The following ATRNL1 variants were observed in gnomAD, a reference collection of about 807,000 sequenced individuals.
ATRNL1 encodes attractin-like protein 1.
Under a neutral mutation model 182.7 loss-of-function variants are expected in ATRNL1, and 95 were observed. The observed-to-expected ratio is 0.52, with a 90% CI of 0.44 to 0.62. ATRNL1 has a LOEUF of 0.62. Among genes scored for constraint, ATRNL1 ranks in the 20% least tolerant of loss-of-function variants. The probability of loss-of-function intolerance (pLI) is 0.00; values close to 1 mark genes in which losing one functional copy is unlikely to be tolerated. For synonymous variants in ATRNL1, 576 were observed against 568.3 expected, an observed-to-expected ratio of 1.01 and a Z score of -0.19; for missense variants, 1,471 against 1,679.5, an observed-to-expected ratio of 0.88 and a Z score of 2.17.
intron 28 of ATRNL1, among the ~76,000 whole-genome samples, chr10:115,880,139 C>CT (rs1352414284): frequency 1.3e-5 from 2 of 152,178 alleles, no homozygotes; most frequent in African/African-American, 4.8e-5. Context: ...CAGTAGAGTG[C>CT]TTCACCTCAA....
chr10:115,095,507 G>T (rs1169036173), intron 1 of ATRNL1, among the ~76,000 whole-genome samples: 4 of 151,992 alleles, frequency 2.6e-5, no homozygotes, highest in African/African-American at 9.7e-5. Flanking sequence ...GGTTTTGGAA[G>T]TGAAATCTTA....
chr10:115,158,015 A>G (rs1846603167), intron 5 of ATRNL1, among the ~76,000 whole-genome samples: 1 of 151,924 alleles, frequency 6.6e-6, no homozygotes, highest in African/African-American at 2.4e-5. Context: ...CCTGTTTTTA[A>G]TGTTTTATTT....
At chr10:115,588,082 CT>C (rs1855676049) in intron 26 of ATRNL1, among the ~76,000 whole-genome samples, 1 of 152,066 alleles carries the variant, frequency 6.6e-6, no homozygotes, top group Admixed American at 6.6e-5. Context: ...GTTTTCCTTT[CT>C]TTTTTACTAA....
intron 24 of ATRNL1, among the ~76,000 whole-genome samples, chr10:115,489,694 T>A (rs1389632632): frequency 6.6e-6 from 1 of 152,236 alleles, no homozygotes; most frequent in Non-Finnish European, 1.5e-5. Context: ...CCAGTCTGTG[T>A]CTTTTAATTG....
chr10:115,798,869 C>A (rs1218028212), intron 27 of ATRNL1, among the ~76,000 whole-genome samples: 1 of 144,186 alleles, frequency 6.9e-6, no homozygotes, highest in Non-Finnish European at 1.5e-5. Flanking sequence ...CTCTGTTGAC[C>A]AAGCTGGAGT....
chr10:115,101,732 C>T (rs1843776597), intron 1 of ATRNL1, among the ~76,000 whole-genome samples: 1 of 152,078 alleles, frequency 6.6e-6, no homozygotes, highest in African/African-American at 2.4e-5. Context: ...TGGGACTCTC[C>T]TGATCATTTG....
At chr10:115,123,593 A>C (rs782598472) in intron 3 of ATRNL1, among the ~76,000 whole-genome samples, 1 of 152,168 alleles carries the variant, frequency 6.6e-6, no homozygotes, top group South Asian at 2.1e-4. Flanking sequence ...TTAGACACCA[A>C]CTACCTGCAG....
intron 8 of ATRNL1, among the ~76,000 whole-genome samples, chr10:115,201,635 C>T (rs1320180993): frequency 2.6e-5 from 4 of 152,018 alleles, no homozygotes; most frequent in Admixed American, 6.6e-5. Context: ...TTACTGTAGC[C>T]TTGTAGTATA....
At chr10:115,258,010 A>G (rs551383382) in intron 10 of ATRNL1, among the ~76,000 whole-genome samples, 2 of 152,256 alleles carry the variant, frequency 1.3e-5, no homozygotes, top group South Asian at 4.2e-4. Context: ...TTTGTGGGTA[A>G]CTTGACCTTT....
At chr10:115,097,538 A>G (rs1297930425) in intron 1 of ATRNL1, among the ~76,000 whole-genome samples, 2 of 152,162 alleles carry the variant, frequency 1.3e-5, no homozygotes, top group African/African-American at 2.4e-5. Context: ...CAGCAAAATG[A>G]AGATGTAATG....
chr10:115,364,818 A>C (rs1160004727), intron 19 of ATRNL1, among the ~76,000 whole-genome samples: 5 of 151,152 alleles, frequency 3.3e-5, no homozygotes, highest in Non-Finnish European at 7.4e-5. Context: ...ATGCTGGATT[A>C]CATTTATTGA....
intron 28 of ATRNL1, among the ~76,000 whole-genome samples, chr10:115,918,879 C>T (rs1555118016): frequency 6.6e-6 from 1 of 152,088 alleles, no homozygotes; most frequent in Non-Finnish European, 1.5e-5. Context: ...TGTTTAATAC[C>T]GCTGATCTGC....
At chr10:115,194,136 G>A (rs1327156243) in intron 8 of ATRNL1, among the ~76,000 whole-genome samples, 2 of 151,940 alleles carry the variant, frequency 1.3e-5, no homozygotes, top group African/African-American at 4.8e-5. Flanking sequence ...ATCTTGGAGA[G>A]CATTCTATGT....
chr10:115,713,449 G>GTGTGTGTGTGCGTGTGTT (rs1947126967), intron 26 of ATRNL1, among the ~76,000 whole-genome samples: 1 of 137,598 alleles, frequency 7.3e-6, no homozygotes, highest in Non-Finnish European at 1.6e-5. Flanking sequence ...GTGGCTGTGT[G>GTGTGTGTGTGCGTGTGTT]TGTGTGTGTG....
intron 23 of ATRNL1, among the ~76,000 whole-genome samples, 184 bp downstream of exon 23, chr10:115,467,436 C>A (rs1848105695): frequency 6.6e-6 from 1 of 150,638 alleles, no homozygotes; most frequent in African/African-American, 2.4e-5. Flanking sequence ...TGTTAACTTT[C>A]TCCTTTATTC....
At chr10:115,324,875 G>T (rs1854788719) in intron 18 of ATRNL1, among the ~76,000 whole-genome samples, 1 of 152,020 alleles carries the variant, frequency 6.6e-6, no homozygotes, top group Admixed American at 6.6e-5. Flanking sequence ...GTAAAATTTG[G>T]TCGCTAGCTC....
At chr10:115,185,404 A>G (rs147292701) in intron 8 of ATRNL1, among the ~76,000 whole-genome samples, 194 of 152,232 alleles carry the variant, frequency 1.3e-3, no homozygotes, top group Non-Finnish European at 2.2e-3. Flanking sequence ...ACGATGGGTC[A>G]TGTCAAAAGA....
chr10:115,439,747 G>A (rs1846578391), intron 21 of ATRNL1, among the ~76,000 whole-genome samples: 1 of 151,812 alleles, frequency 6.6e-6, no homozygotes, highest in South Asian at 2.1e-4. Flanking sequence ...GGGAAGCGGA[G>A]GAAATTTGAC....
At chr10:115,920,143 G>T (rs1044267690) in intron 28 of ATRNL1, among the ~76,000 whole-genome samples, 2 of 152,062 alleles carry the variant, frequency 1.3e-5, no homozygotes, top group Non-Finnish European at 2.9e-5. Flanking sequence ...TAGACTCATG[G>T]ACAGCATTCT....
Sources: allele counts gnomAD v4.1 joint callset (sites outside exome capture counted in the v4.1 genomes callset), GRCh38; gene constraint gnomAD v4.1.1; transcripts MANE v1.5; gene names NCBI Gene and HGNC (gene_info 2026-07-23, HGNC 2026-07-21).